LHX5: variants seen among roughly 807,000 people sequenced by gnomAD.
LHX5 encodes LIM homeobox 5, also known as LIM/homeobox protein Lhx5.
LHX5 carries 5 observed loss-of-function variants against 30.6 expected under a neutral mutation model. The ratio of observed to expected loss-of-function variants is 0.16; its 90% CI spans 0.09 to 0.34. The LOEUF is 0.34. Among genes scored for constraint, LHX5 ranks in the 10% least tolerant of loss-of-function variants. LHX5 has a pLI of 1.00. For missense variants in LHX5, 458 were observed against 570.6 expected (o/e 0.80, Z 2.01); for synonymous variants, 266 against 252.6 (o/e 1.05, Z -0.50).
intron 1 of LHX5, among the ~76,000 whole-genome samples, chr12:113,471,101 G>A (rs1958247449): frequency 6.6e-6 from 1 of 152,348 alleles, no homozygotes; most frequent in East Asian, 1.9e-4. Context: ...CTCTGAGCCG[G>A]CCTCGAGCCA....
At position 113,467,542 on chromosome 12, in the gene LHX5, CCGAG is replaced by C. The variant is rs2136978158; in HGVS notation, c.676-125_676-122del. 3.1e-6 allele frequency: 3 copies of C among 977,028 alleles called. No homozygotes were observed. The East Asian group carries it at 9.3e-5, about 30-fold the overall frequency. The allele number at this position is 977,028 out of a possible 1,614,324, so 60.5% of individuals were successfully genotyped here. A position where few individuals can be genotyped will look rare whatever the true frequency, so the allele number is the denominator to read the frequency against. On this transcript the variant is annotated intron_variant, in intron 3 of 4. Transcript: ENST00000261731. This position sits in a 1 kb window ranked among gnomAD's most constrained non-coding sequence, Gnocchi z 6.3. ...GCGCCTCTTCCGCACCAGGACTCCC[CCGAG>C]GCGGGGCCGGGCCGGATTAGGCCGG...
chr12:113,468,823 G>A (rs1958229742), intron 2 of LHX5, among the ~76,000 whole-genome samples: 1 of 152,210 alleles, frequency 6.6e-6, no homozygotes, highest in Admixed American at 6.5e-5. Flanking sequence ...GAGCTCAAGT[G>A]ACACATAAGG....
chr12:113,469,589 G>T (rs1438491166), intron 1 of LHX5, among the ~76,000 whole-genome samples: 1 of 152,244 alleles, frequency 6.6e-6, no homozygotes, highest in East Asian at 1.9e-4. Flanking sequence ...CTGGGAAGGG[G>T]TGAGCAGTGG....
In LHX5 at chr12:113,464,293, G is replaced by A. The variant is rs912720805; in HGVS notation, c.842-736C>T. 6.6e-6 allele frequency among the ~76,000 whole-genome samples: 1 copy of A among 152,228 alleles called. No homozygotes were observed. Among genetic ancestry groups the A allele is most frequent in the Non-Finnish European group, 1.5e-5 (1 of 68,038 alleles). ...CAGAGAAGCGGAGGCTGACAGGCCC[G>A]GGGAGAGGAACCGGGCAGGGACAAA... is the stretch of plus-strand genomic sequence containing the variant. On this transcript the variant is annotated intron_variant, in intron 4 of 4. Coordinates refer to ENST00000261731, the MANE Select transcript of LHX5 (RefSeq NM_022363.3). The surrounding 1 kb of genome is among the most constrained non-coding windows in gnomAD (Gnocchi z 6.2).
At position 113,471,454 on chromosome 12, in the gene LHX5, G is replaced by A; in HGVS notation, c.45C>T (p.Arg15=). The A allele has an allele frequency of 3.1e-6, 5 of 1,611,956 alleles. No homozygotes were observed. Among genetic ancestry groups the A allele is most frequent in the Non-Finnish European group, 4.2e-6 (5 of 1,179,162 alleles). ...CGCGGTCCAGCACGTTCAGCAGAAA[G>A]CGGTCGAGGATGGGCCGCTCGCAAC... ...CAGCERPILD[R]FLLNVLDRAW... is the part of the protein sequence containing the mutation. The change falls in exon 1 of 5, where the codon CGC becomes CGT. Residue 15 remains arginine (R), a synonymous_variant. Coordinates refer to ENST00000261731, the MANE Select transcript of LHX5 (RefSeq NM_022363.3).
chr12:113,462,973 G>T lies in LHX5; in HGVS notation c.*217C>A. The T allele has an allele frequency of 2.0e-6, 1 of 501,520 alleles. No homozygotes were observed. The highest frequency in any genetic ancestry group is 2.5e-5 in the South Asian group (1 of 40,074). The allele number at this position is 501,520 out of a possible 1,614,324, so 31.1% of individuals were successfully genotyped here. On this transcript the variant is annotated 3_prime_UTR_variant, in exon 5 of 5. Coordinates refer to ENST00000261731, the MANE Select transcript of LHX5 (RefSeq NM_022363.3). ...CGGTTGCTGGGAGAGTACTGGCGGT[G>T]GGCTGAGGCTCCTGGAGAGCCCGCG...
chr12:113,463,630 G>A lies in LHX5; in HGVS notation c.842-73C>T. Reference sequence around the variant, plus strand: ...AAGTAGGCGGGGGACCCGGGACCCGGGGAGGGGACCCGGGCGGGCGAGAGA... The same window carrying A: ...AAGTAGGCGGGGGACCCGGGACCCGAGGAGGGGACCCGGGCGGGCGAGAGA... On this transcript the variant is annotated intron_variant, in intron 4 of 4. Coordinates refer to ENST00000261731, the MANE Select transcript of LHX5 (RefSeq NM_022363.3). The surrounding 1 kb of genome is among the most constrained non-coding windows in gnomAD (Gnocchi z 6.7). 2 of 1,431,562 alleles carry A rather than the reference G, an allele frequency of 1.4e-6. No homozygotes were observed. Among genetic ancestry groups the A allele is most frequent in the Non-Finnish European group, 1.8e-6 (2 of 1,088,738 alleles). The allele number at this position is 1,431,562 out of a possible 1,614,324, so 88.7% of individuals were successfully genotyped here. A position where few individuals can be genotyped will look rare whatever the true frequency, so the allele number is the denominator to read the frequency against.
chr12:113,465,647 G>A lies in LHX5; in HGVS notation c.841+1609C>T, dbSNP rs552846329. Among the ~76,000 whole-genome samples, 39 of 152,360 alleles carry A rather than the reference G, an allele frequency of 2.6e-4. No homozygotes were observed. Among genetic ancestry groups the A allele is most frequent in the African/African-American group, 8.4e-4 (35 of 41,598 alleles). On this transcript the variant is annotated intron_variant, in intron 4 of 4. Transcript: ENST00000261731. This position sits in a 1 kb window ranked among gnomAD's most constrained non-coding sequence, Gnocchi z 6.7. Reference sequence around the variant, plus strand: ...CCAGCGCGCAGGGAGAGGAGGCGGTGGGATAGGTCGGGGCGGGGGCGAAGT... The same window carrying A: ...CCAGCGCGCAGGGAGAGGAGGCGGTAGGATAGGTCGGGGCGGGGGCGAAGT...
In LHX5 at chr12:113,471,774, T is replaced by A; in HGVS notation, c.-276A>T. On this transcript the variant is annotated 5_prime_UTR_variant, in exon 1 of 5. Coordinates refer to ENST00000261731, the MANE Select transcript of LHX5 (RefSeq NM_022363.3). ...TCCGGGCTTCCCCAGGTATCTCGGG[T>A]GGCTGCTGGCCTCGGCGCTGCGGAG... The A allele has an allele frequency of 2.3e-5, 10 of 443,292 alleles. No homozygotes were observed. Among genetic ancestry groups the A allele is most frequent in the Non-Finnish European group, 4.0e-6 (1 of 251,964 alleles). 27.5% of individuals were successfully genotyped at this position (443,292 alleles called of 1,614,324 possible).
chr12:113,467,989 C>G lies in LHX5; in HGVS notation c.675+138G>C. On this transcript the variant is annotated intron_variant, in intron 3 of 4. Coordinates refer to ENST00000261731, the MANE Select transcript of LHX5 (RefSeq NM_022363.3). The surrounding 1 kb of genome is among the most constrained non-coding windows in gnomAD (Gnocchi z 6.3). ...CACAGTCCCCGACCTCGGGCAAGTG[C>G]CCCACTCGGGCGCACGGTCTGCTCC... 1 of 1,226,384 alleles carries G rather than the reference C, an allele frequency of 8.2e-7. No homozygotes were observed. The highest frequency in any genetic ancestry group is 2.6e-5 in the East Asian group (1 of 38,756). 76.0% of individuals were successfully genotyped at this position (1,226,384 alleles called of 1,614,324 possible). A position where few individuals can be genotyped will look rare whatever the true frequency, so the allele number is the denominator to read the frequency against.
rs968614453 is a variant in LHX5 at position 113,471,543 on chromosome 12, G to T, written c.-45C>A. 1.5e-5 allele frequency: 23 copies of T among 1,535,704 alleles called. No individual in the cohort carries two copies. The Admixed American group carries it at 3.9e-4, about 26-fold the overall frequency. ...TTCGGCCGCCTTGCCCTCCCTTTGG[G>T]CCCCTGGCCCTCGGGCCTGCCGGGC... On this transcript the variant is annotated 5_prime_UTR_variant, in exon 1 of 5. Transcript: ENST00000261731.
At position 113,466,364 on chromosome 12, in the gene LHX5, G is replaced by GGAT. The variant is rs1958215372; in HGVS notation, c.841+889_841+891dup. Among the ~76,000 whole-genome samples the GGAT allele has an allele frequency of 6.6e-6, 1 of 152,196 alleles. No homozygotes were observed. Among genetic ancestry groups the GGAT allele is most frequent in the African/African-American group, 2.4e-5 (1 of 41,452 alleles). On this transcript the variant is annotated intron_variant, in intron 4 of 4. Transcript: ENST00000261731. The surrounding 1 kb of genome is among the most constrained non-coding windows in gnomAD (Gnocchi z 6.5). Reference sequence around the variant, plus strand: ...TGAAAAAATCGGATAGGGGGAGTTGGGATGGCTCACCAATCCAGTGTGAGG... The same window carrying GGAT: ...TGAAAAAATCGGATAGGGGGAGTTGGGATGATGGCTCACCAATCCAGTGTGAGG...
chr12:113,469,178 A>G lies in LHX5; in HGVS notation c.341T>C (p.Val114Ala). 5 of 1,614,220 alleles carry G rather than the reference A, an allele frequency of 3.1e-6. No homozygotes were observed. Among genetic ancestry groups the G allele is most frequent in the Non-Finnish European group, 4.2e-6 (5 of 1,180,044 alleles). Residue 114 changes from valine to alanine, a missense_variant, in exon 2 of 5, where the codon GTG becomes GCG. By Grantham distance (64) the Val-to-Ala change is moderately conservative (BLOSUM62 0). Coordinates refer to ENST00000261731, the MANE Select transcript of LHX5 (RefSeq NM_022363.3). ...TGAGCTCAGGTAGTCGTCTTTGCAC[A>G]CGAACTTGTTCTCGTCGATGACGTA... is the stretch of plus-strand genomic sequence containing the variant. The part of the protein sequence containing the change: ...ELYVIDENKF[V>A]CKDDYLSSSS...
chr12:113,467,218 G>A lies in LHX5; in HGVS notation c.841+38C>T, dbSNP rs1958220293. The stretch of plus-strand genomic sequence containing the variant: ...CCTTCGCCCTCAGCTCCCGGAATAG[G>A]ACAGGTGCGGAACAGCGAATCCCGG... On this transcript the variant is annotated intron_variant, in intron 4 of 4. Coordinates refer to ENST00000261731, the MANE Select transcript of LHX5 (RefSeq NM_022363.3). The surrounding 1 kb of genome is among the most constrained non-coding windows in gnomAD (Gnocchi z 6.3). The A allele has an allele frequency of 7.1e-7, 1 of 1,400,064 alleles. No homozygotes were observed. Among genetic ancestry groups the A allele is most frequent in the African/African-American group, 1.5e-5 (1 of 68,368 alleles). 86.7% of individuals were successfully genotyped at this position (1,400,064 alleles called of 1,614,324 possible). A position where few individuals can be genotyped will look rare whatever the true frequency, so the allele number is the denominator to read the frequency against.
chr12:113,468,229 C>A lies in LHX5; in HGVS notation c.573G>T (p.Gln191His). ...CGAAGGCAGCCTTGAGCGTCTCCAG[C>A]TGCTTGGCCTTGATGGTGGTGCGGG... ...RGPRTTIKAK[Q>H]LETLKAAFAA... The change falls in exon 3 of 5, where the codon CAG becomes CAT. Residue 191 changes from glutamine (Q) to histidine (H), a missense_variant. Around this residue, in one of 3 missense-constraint regions of LHX5, gnomAD observed 25 missense variants for 85.4 expected, o/e 0.29. Coordinates refer to ENST00000261731, the MANE Select transcript of LHX5 (RefSeq NM_022363.3). 6.2e-7 allele frequency: 1 copy of A among 1,614,040 alleles called. No homozygotes were observed. Among genetic ancestry groups the A allele is most frequent in the Non-Finnish European group, 8.5e-7 (1 of 1,179,934 alleles).
At chr12:113,471,255 C>A in intron 1 of LHX5, 71 bp downstream of exon 1, 1 of 1,525,038 alleles carries the variant, frequency 6.6e-7, no homozygotes. Context: ...TGGGGGTATC[C>A]CCTTCCCCAG....
chr12:113,463,201 CG>C lies in LHX5; in HGVS notation c.1197del (p.Ala400ProfsTer24). On this transcript the variant is annotated frameshift_variant, in exon 5 of 5. Transcript: ENST00000261731. LOFTEE classifies it high-confidence loss of function. The surrounding 1 kb of genome is among the most constrained non-coding windows in gnomAD (Gnocchi z 6.7). The part of the protein sequence containing the change: ...LSHPNPELNE[A>X]AVW ...GCGGCCCGGCGGCCTTACCACACGG[CG>C]GCTTCGTTGAGCTCGGGGTTGGGAT... 1 of 1,515,562 alleles carries C rather than the reference CG, an allele frequency of 6.6e-7. No homozygotes were observed. Among genetic ancestry groups the C allele is most frequent in the Non-Finnish European group, 8.8e-7 (1 of 1,138,170 alleles). 93.9% of individuals were successfully genotyped at this position (1,515,562 alleles called of 1,614,324 possible). A position where few individuals can be genotyped will look rare whatever the true frequency, so the allele number is the denominator to read the frequency against.
At position 113,465,515 on chromosome 12, in the gene LHX5, G is replaced by A. The variant is rs1218007674; in HGVS notation, c.841+1741C>T. Among the ~76,000 whole-genome samples the A allele has an allele frequency of 1.3e-5, 2 of 152,242 alleles. No homozygotes were observed. Among genetic ancestry groups the A allele is most frequent in the African/African-American group, 2.4e-5 (1 of 41,474 alleles). ...TCGCCCGCTGCCGGTCGCCACCGCC[G>A]GGATCTCCCAGCGCGGATTAGGCGG... On this transcript the variant is annotated intron_variant, in intron 4 of 4. Coordinates refer to ENST00000261731, the MANE Select transcript of LHX5 (RefSeq NM_022363.3). The surrounding 1 kb of genome is among the most constrained non-coding windows in gnomAD (Gnocchi z 6.7).
rs149208122 is a variant in LHX5, at chr12:113,463,961, G to T, written c.842-404C>A. On this transcript the variant is annotated intron_variant, in intron 4 of 4. Coordinates refer to ENST00000261731, the MANE Select transcript of LHX5 (RefSeq NM_022363.3). The surrounding 1 kb of genome is among the most constrained non-coding windows in gnomAD (Gnocchi z 6.7). ...AATGATTCCTAAGTGTCTTAGGGTC[G>T]GTGAGAGACACAGAGATGCGGGACA... Among the ~76,000 whole-genome samples the T allele has an allele frequency of 6.6e-6, 1 of 152,136 alleles. No individual in the cohort carries two copies. The highest frequency in any genetic ancestry group is 1.5e-5 in the Non-Finnish European group (1 of 68,020).
Sources: gnomAD v4.1 joint callset for allele counts (sites outside exome capture counted in the v4.1 genomes callset) on GRCh38, gnomAD v4.1.1 for gene constraint, gnomAD v4.1.1 regional missense constraint, Gnocchi (gnomAD v3.1) non-coding constraint, MANE v1.5 for transcripts, NCBI Gene and HGNC (gene_info 2026-07-23, HGNC 2026-07-21) for gene names.